OR4C15: variants seen among roughly 807,000 people sequenced by gnomAD.
OR4C15 encodes the protein olfactory receptor 4C15.
For synonymous variants in OR4C15, 216 were observed against 134.0 expected (o/e 1.61, Z -4.22); for missense variants, 697 against 377.5 (o/e 1.85, Z -7.01).
rs1857129627 is a variant in OR4C15 at position 55,555,097 on chromosome 11, TCTC to T, written c.632_634del (p.Ser211del). ...AGTGGGTTTATCTGCATCATAAACT[TCTC>T]CTTGTTGCTTGTCTCCTATGCTGTC... On this transcript the variant is annotated inframe_deletion, in exon 1 of 1. Transcript: ENST00000642128. 3 of 1,613,780 alleles carry T rather than the reference TCTC, an allele frequency of 1.9e-6. No homozygotes were observed. Among genetic ancestry groups the T allele is most frequent in the African/African-American group, 1.3e-5 (1 of 74,876 alleles).
rs1423722599 is a variant in OR4C15 at position 55,555,091 on chromosome 11, T to A, written c.623T>A (p.Ile208Lys). The A allele has an allele frequency of 6.2e-7, 1 of 1,613,848 alleles. No individual in the cohort carries two copies. The highest frequency in any genetic ancestry group is 8.5e-7 in the Non-Finnish European group (1 of 1,179,964). The change falls in exon 1 of 1, where the codon ATA becomes AAA. Residue 208 changes from isoleucine to lysine, a missense_variant. By Grantham distance (102) the Ile-to-Lys change is moderately radical. Transcript: ENST00000642128. ...VVINSGFICI[I>K]NFSLLLVSYA... ...ATCAACAGTGGGTTTATCTGCATCA[T>A]AAACTTCTCCTTGTTGCTTGTCTCC... is the stretch of plus-strand genomic sequence containing the variant.
rs1217968165 is a variant in OR4C15 at position 55,555,241 on chromosome 11, C to T, written c.773C>T (p.Thr258Ile). The part of the protein sequence containing the change: ...LFFVPCIFVY[T>I]RPPSAFSLDK... ...TTTGTCCCATGCATATTTGTATATA[C>T]ACGACCTCCATCTGCTTTTTCCCTT... The change falls in exon 1 of 1, where the codon ACA (threonine) becomes ATA (isoleucine). Residue 258 changes from threonine to isoleucine, a missense_variant. Transcript: ENST00000642128. The T allele has an allele frequency of 1.2e-6, 2 of 1,613,760 alleles. No individual in the cohort carries two copies. Among genetic ancestry groups the T allele is most frequent in the African/African-American group, 1.3e-5 (1 of 74,862 alleles).
chr11:55,555,066 A>G lies in OR4C15; in HGVS notation c.598A>G (p.Ile200Val). ...DTHIFGLMVV[I>V]NSGFICIINF... ...TCACATCTTTGGCCTCATGGTGGTCATCAACAGTGGGTTTATCTGCATCAT... is the reference window on the plus strand; with the variant it reads ...TCACATCTTTGGCCTCATGGTGGTCGTCAACAGTGGGTTTATCTGCATCAT... The change falls in exon 1 of 1, where the codon ATC (isoleucine) becomes GTC (valine). Residue 200 changes from isoleucine (I) to valine (V), a missense_variant. Transcript: ENST00000642128. 5.0e-6 allele frequency: 8 copies of G among 1,613,896 alleles called. No individual in the cohort carries two copies. Among genetic ancestry groups the G allele is most frequent in the South Asian group, 1.1e-5 (1 of 91,078 alleles).
rs759568106 is a variant in OR4C15 at position 55,554,890 on chromosome 11, G to T, written c.422G>T (p.Gly141Val). Residue 141 changes from glycine to valine, a missense_variant, in exon 1 of 1, where the codon GGC (glycine) becomes GTC (valine). Gly to Val is a moderately radical substitution (Grantham distance 109). Transcript: ENST00000642128. ...YSSIMNRRLC[G>V]ILMGVAWTGG... ...TCTATCATGAACAGGAGGCTCTGTG[G>T]CATTCTGATGGGGGTAGCCTGGACA... 18 of 1,614,004 alleles carry T rather than the reference G, an allele frequency of 1.1e-5. No individual in the cohort carries two copies. In the East Asian group the frequency reaches 2.2e-4, roughly 20 times the overall value.
Position 55,555,387 on chromosome 11 carries a change from G to C in OR4C15, c.919G>C (p.Val307Leu). 1 of 1,588,980 alleles carries C rather than the reference G, an allele frequency of 6.3e-7. No homozygotes were observed. Among genetic ancestry groups the C allele is most frequent in the African/African-American group, 1.4e-5 (1 of 73,462 alleles). Residue 307 changes from valine (V) to leucine (L), a missense_variant, in exon 1 of 1, where the codon GTT becomes CTT. Physicochemically the swap from Val to Leu is conservative, Grantham distance 32 (BLOSUM62 1). Transcript: ENST00000642128. ...MRRIWNRLMV[V>L]SDEKENIKL Reference sequence around the variant, plus strand: ...GAGAATATGGAACAGACTGATGGTGGTTTCTGATGAGAAAGAAAATATTAA... The same window carrying C: ...GAGAATATGGAACAGACTGATGGTGCTTTCTGATGAGAAAGAAAATATTAA...
chr11:55,554,632 T>G lies in OR4C15; in HGVS notation c.164T>G (p.Val55Gly). ...ATTCTCAGCAGCCCTGCTCTTCTGG[T>G]GTCTCCTATGTACTTCTTCTTGGGC... ...VTILSSPALL[V>G]SPMYFFLGFL... Residue 55 changes from valine to glycine, a missense_variant, in exon 1 of 1, where the codon GTG (valine) becomes GGG (glycine). Physicochemically the swap from Val to Gly is moderately radical, Grantham distance 109. Coordinates refer to ENST00000642128, the MANE Select transcript of OR4C15 (RefSeq NM_001001920.3). 6.2e-7 allele frequency: 1 copy of G among 1,613,846 alleles called. No individual in the cohort carries two copies. The highest frequency in any genetic ancestry group is 8.5e-7 in the Non-Finnish European group (1 of 1,179,964).
rs757469952 is a variant in OR4C15, at chr11:55,554,956, T to G, written c.488T>G (p.Phe163Cys). The G allele has an allele frequency of 1.9e-6, 3 of 1,613,964 alleles. No individual in the cohort carries two copies. The South Asian group carries it at 3.3e-5, about 18-fold the overall frequency. Residue 163 changes from phenylalanine (F) to cysteine (C), a missense_variant, in exon 1 of 1, where the codon TTC (phenylalanine) becomes TGC (cysteine). By Grantham distance (205) the Phe-to-Cys change is radical. Coordinates refer to ENST00000642128, the MANE Select transcript of OR4C15 (RefSeq NM_001001920.3). ...TCCATGATACAAATTCTTTTTACTT[T>G]CCAGCTTCCCTTTTGTGGCCCCAAT... is the stretch of plus-strand genomic sequence containing the variant. ...LHSMIQILFT[F>C]QLPFCGPNVI... is the part of the protein sequence containing the mutation.
At position 55,555,342 on chromosome 11, in the gene OR4C15, G is replaced by A. The variant is rs72908448; in HGVS notation, c.874G>A (p.Glu292Lys). 9.9e-6 allele frequency: 16 copies of A among 1,613,544 alleles called. No homozygotes were observed. The East Asian group carries it at 1.6e-4, about 16-fold the overall frequency. Residue 292 changes from glutamate (E) to lysine (K), a missense_variant, in exon 1 of 1, where the codon GAA becomes AAA. Transcript: ENST00000642128. ...NPLIYTFRNKEVKQAMRRIWN... is the reference protein window; with the variant it reads ...NPLIYTFRNKKVKQAMRRIWN... The stretch of plus-strand genomic sequence containing the variant: ...TTTGATTTACACTTTCAGGAATAAG[G>A]AAGTAAAACAGGCCATGAGGAGAAT...
rs777527746 is a variant in OR4C15 at position 55,555,355 on chromosome 11, C to T, written c.887C>T (p.Ala296Val). 3.1e-5 allele frequency: 50 copies of T among 1,613,130 alleles called. No individual in the cohort carries two copies. The highest frequency in any genetic ancestry group is 4.0e-5 in the African/African-American group (3 of 74,790). Residue 296 changes from alanine to valine, a missense_variant, in exon 1 of 1, where the codon GCC becomes GTC. Ala to Val is a moderately conservative substitution (Grantham distance 64, BLOSUM62 0). Transcript: ENST00000642128. The part of the protein sequence containing the change: ...YTFRNKEVKQ[A>V]MRRIWNRLMV... ...TTCAGGAATAAGGAAGTAAAACAGG[C>T]CATGAGGAGAATATGGAACAGACTG...
At position 55,554,800 on chromosome 11, in the gene OR4C15, T is replaced by G; in HGVS notation, c.332T>G (p.Val111Gly). The G allele has an allele frequency of 6.2e-7, 1 of 1,613,860 alleles. No individual in the cohort carries two copies. The highest frequency in any genetic ancestry group is 2.2e-5 in the East Asian group (1 of 44,844). ...FAEHFFAGVE[V>G]IVLTAMAYDR... Reference sequence around the variant, plus strand: ...GAACACTTCTTTGCTGGGGTGGAGGTGATTGTCCTCACAGCCATGGCCTAT... The same window carrying G: ...GAACACTTCTTTGCTGGGGTGGAGGGGATTGTCCTCACAGCCATGGCCTAT... Residue 111 changes from valine (V) to glycine (G), a missense_variant, in exon 1 of 1, where the codon GTG becomes GGG. Physicochemically the swap from Val to Gly is moderately radical, Grantham distance 109. Coordinates refer to ENST00000642128, the MANE Select transcript of OR4C15 (RefSeq NM_001001920.3).
At position 55,554,887 on chromosome 11, in the gene OR4C15, G is replaced by T. The variant is rs867597415; in HGVS notation, c.419G>T (p.Cys140Phe). 3 of 1,613,992 alleles carry T rather than the reference G, an allele frequency of 1.9e-6. No homozygotes were observed. Among genetic ancestry groups the T allele is most frequent in the Middle Eastern group, 1.7e-4 (1 of 6,056 alleles). ...TCTTCTATCATGAACAGGAGGCTCTGTGGCATTCTGATGGGGGTAGCCTGG... is the reference window on the plus strand; with the variant it reads ...TCTTCTATCATGAACAGGAGGCTCTTTGGCATTCTGATGGGGGTAGCCTGG... The part of the protein sequence containing the change: ...HYSSIMNRRL[C>F]GILMGVAWTG... The change falls in exon 1 of 1, where the codon TGT (cysteine) becomes TTT (phenylalanine). Residue 140 changes from cysteine to phenylalanine, a missense_variant. Physicochemically the swap from Cys to Phe is radical, Grantham distance 205. Transcript: ENST00000642128.
At position 55,554,625 on chromosome 11, in the gene OR4C15, C is replaced by G. The variant is rs778160342; in HGVS notation, c.157C>G (p.Leu53Val). 2 of 1,613,856 alleles carry G rather than the reference C, an allele frequency of 1.2e-6. No individual in the cohort carries two copies. The highest frequency in any genetic ancestry group is 2.2e-5 in the South Asian group (2 of 91,076). ...AGTAACCATTCTCAGCAGCCCTGCTCTTCTGGTGTCTCCTATGTACTTCTT... is the reference window on the plus strand; with the variant it reads ...AGTAACCATTCTCAGCAGCCCTGCTGTTCTGGTGTCTCCTATGTACTTCTT... ...IVVTILSSPA[L>V]LVSPMYFFLG... The change falls in exon 1 of 1, where the codon CTT becomes GTT. Residue 53 changes from leucine to valine, a missense_variant. By Grantham distance (32) the Leu-to-Val change is conservative. Transcript: ENST00000642128.
rs749176077 is a variant in OR4C15 at position 55,554,857 on chromosome 11, A to G, written c.389A>G (p.His130Arg). ...DRYVAICKPLHYSSIMNRRLC... is the reference protein window; with the variant it reads ...DRYVAICKPLRYSSIMNRRLC... ...TATGTGGCCATTTGCAAGCCCTTGC[A>G]TTACTCTTCTATCATGAACAGGAGG... is the stretch of plus-strand genomic sequence containing the variant. The change falls in exon 1 of 1, where the codon CAT (histidine) becomes CGT (arginine). Residue 130 changes from histidine (H) to arginine (R), a missense_variant. Physicochemically the swap from His to Arg is conservative, Grantham distance 29. Transcript: ENST00000642128. The G allele has an allele frequency of 2.5e-6, 4 of 1,613,954 alleles. No homozygotes were observed. The South Asian group carries it at 3.3e-5, about 13-fold the overall frequency.
rs886477925 is a variant in OR4C15, at chr11:55,554,905, T to A, written c.437T>A (p.Val146Glu). ...NRRLCGILMGVAWTGGLLHSM... is the reference protein window; with the variant it reads ...NRRLCGILMGEAWTGGLLHSM... Reference sequence around the variant, plus strand: ...AGGCTCTGTGGCATTCTGATGGGGGTAGCCTGGACAGGGGGCCTCTTGCAT... The same window carrying A: ...AGGCTCTGTGGCATTCTGATGGGGGAAGCCTGGACAGGGGGCCTCTTGCAT... The change falls in exon 1 of 1, where the codon GTA becomes GAA. Residue 146 changes from valine (V) to glutamate (E), a missense_variant. Coordinates refer to ENST00000642128, the MANE Select transcript of OR4C15 (RefSeq NM_001001920.3). 6.2e-7 allele frequency: 1 copy of A among 1,613,970 alleles called. No individual in the cohort carries two copies. The highest frequency in any genetic ancestry group is 8.5e-7 in the Non-Finnish European group (1 of 1,179,950).
Position 55,555,094 on chromosome 11 carries a change from A to G in OR4C15, c.626A>G (p.Asn209Ser). The change falls in exon 1 of 1, where the codon AAC becomes AGC. Residue 209 changes from asparagine to serine, a missense_variant. Transcript: ENST00000642128. The part of the protein sequence containing the change: ...VINSGFICII[N>S]FSLLLVSYAV... ...AACAGTGGGTTTATCTGCATCATAAACTTCTCCTTGTTGCTTGTCTCCTAT... is the reference window on the plus strand; with the variant it reads ...AACAGTGGGTTTATCTGCATCATAAGCTTCTCCTTGTTGCTTGTCTCCTAT... The G allele has an allele frequency of 6.2e-7, 1 of 1,613,618 alleles. No individual in the cohort carries two copies. The highest frequency in any genetic ancestry group is 8.5e-7 in the Non-Finnish European group (1 of 1,179,894).
Position 55,554,904 on chromosome 11 carries a change from G to GT in OR4C15, c.437dup (p.Ala147SerfsTer33). On this transcript the variant is annotated frameshift_variant, in exon 1 of 1. Transcript: ENST00000642128. LOFTEE classifies it low-confidence loss of function (END_TRUNC). ...GAGGCTCTGTGGCATTCTGATGGGG[G>GT]TAGCCTGGACAGGGGGCCTCTTGCA... The GT allele has an allele frequency of 1.2e-6, 2 of 1,613,984 alleles. No homozygotes were observed. The highest frequency in any genetic ancestry group is 1.7e-6 in the Non-Finnish European group (2 of 1,179,956).
Position 55,555,407 on chromosome 11 carries a change from T to A in OR4C15, c.939T>A (p.Asn313Lys). 1 of 1,573,146 alleles carries A rather than the reference T, an allele frequency of 6.4e-7. No individual in the cohort carries two copies. The highest frequency in any genetic ancestry group is 8.6e-7 in the Non-Finnish European group (1 of 1,164,756). The change falls in exon 1 of 1, where the codon AAT becomes AAA. Residue 313 changes from asparagine (N) to lysine (K), a missense_variant. Asn to Lys is a moderately conservative substitution (Grantham distance 94). Transcript: ENST00000642128. ...TGGTGGTTTCTGATGAGAAAGAAAA[T>A]ATTAAACTTTAAAAAATCCAAAGTT... ...RLMVVSDEKE[N>K]IKL
Position 55,554,657 on chromosome 11 carries a change from C to T in OR4C15, c.189C>T (p.Gly63=). The part of the protein sequence containing the change: ...LLVSPMYFFL[G]FLSFLDACFS... ...TGTCTCCTATGTACTTCTTCTTGGG[C>T]TTCCTGTCCTTCCTGGATGCGTGCT... Residue 63 remains glycine (G), a synonymous_variant, in exon 1 of 1, where the codon GGC becomes GGT. Transcript: ENST00000642128. 1 of 1,613,436 alleles carries T rather than the reference C, an allele frequency of 6.2e-7. No homozygotes were observed. Among genetic ancestry groups the T allele is most frequent in the Non-Finnish European group, 8.5e-7 (1 of 1,179,950 alleles).
chr11:55,554,606 C>T lies in OR4C15; in HGVS notation c.138C>T (p.Thr46=). 3.1e-6 allele frequency: 5 copies of T among 1,613,848 alleles called. No homozygotes were observed. Among genetic ancestry groups the T allele is most frequent in the Non-Finnish European group, 3.4e-6 (4 of 1,179,900 alleles). ...GGGGCAACATGCTAATTGTAGTAAC[C>T]ATTCTCAGCAGCCCTGCTCTTCTGG... ...TVGGNMLIVV[T]ILSSPALLVS... The change falls in exon 1 of 1, where the codon ACC becomes ACT. Residue 46 remains threonine, a synonymous_variant. Coordinates refer to ENST00000642128, the MANE Select transcript of OR4C15 (RefSeq NM_001001920.3).
Sources: gnomAD v4.1 joint callset for allele counts on GRCh38, gnomAD v4.1.1 for gene constraint, MANE v1.5 for transcripts, NCBI Gene and HGNC (gene_info 2026-07-23, HGNC 2026-07-21) for gene names.